The following PCDHA5 variants were observed in gnomAD, a reference collection of about 807,000 sequenced individuals.
PCDHA5 encodes the protein protocadherin alpha 5.
Under a neutral mutation model 61.6 loss-of-function variants are expected in PCDHA5, and 43 were observed. The observed-to-expected ratio is 0.70, with a 90% CI of 0.55 to 0.90. The LOEUF (loss-of-function observed/expected upper bound fraction) is 0.90. Among genes scored for constraint, PCDHA5 ranks in the 40% least tolerant of loss-of-function variants. The pLI, the probability that PCDHA5 is intolerant of heterozygous loss-of-function variation, is 0.00. For synonymous variants in PCDHA5, 627 were observed against 543.9 expected (o/e 1.15, Z -2.13); for missense variants, 1,298 against 1,222.7 (o/e 1.06, Z -0.92).
At chr5:140,875,743 G>A (rs782705899) in intron 1 of PCDHA5, 7 of 1,614,108 alleles carry the variant, frequency 4.3e-6, no homozygotes, top group Non-Finnish European at 5.1e-6. Context: ...TTCTCGGATC[G>A]ACCGCGAGAA....
At chr5:140,924,060 A>G (rs2081653054) in intron 1 of PCDHA5, among the ~76,000 whole-genome samples, 1 of 152,250 alleles carries the variant, frequency 6.6e-6, no homozygotes, top group African/African-American at 2.4e-5. Context: ...ACATCTTTAC[A>G]GTTGTATTTC....
intron 1 of PCDHA5, among the ~76,000 whole-genome samples, chr5:140,904,728 T>G (rs1357605257): frequency 6.6e-6 from 1 of 152,198 alleles, no homozygotes; most frequent in Non-Finnish European, 1.5e-5. Flanking sequence ...CCAACATCTA[T>G]TATTTTTTTA....
At chr5:140,857,796 CG>C in intron 1 of PCDHA5, 1 of 1,597,494 alleles carries the variant, frequency 6.3e-7, no homozygotes, top group Non-Finnish European at 8.6e-7. Flanking sequence ...GTGCTGCGGT[CG>C]GTGGTTGCGG....
At chr5:140,857,001 A>T in intron 1 of PCDHA5, 1 of 1,595,350 alleles carries the variant, frequency 6.3e-7, no homozygotes, top group Non-Finnish European at 8.6e-7. Flanking sequence ...TATGAAATTC[A>T]TGTAGATGTT....
chr5:140,829,795 T>A, intron 1 of PCDHA5: 1 of 1,613,722 alleles, frequency 6.2e-7, no homozygotes, highest in Non-Finnish European at 8.5e-7. Context: ...TGCTGGCGCC[T>A]CGGGTGGGTG....
At chr5:140,871,086 G>GGCCACC (rs782688668) in intron 1 of PCDHA5, 1 of 1,613,256 alleles carries the variant, frequency 6.2e-7, no homozygotes, top group Non-Finnish European at 8.5e-7. Context: ...TGACGGCCAC[G>GGCCACC]GCCACCGTGC....
rs2150128488 is a variant in PCDHA5 at position 140,823,719 on chromosome 5, G to A, written c.1944G>A (p.Val648=). The A allele has an allele frequency of 3.1e-6, 5 of 1,613,928 alleles. No individual in the cohort carries two copies. In the African/African-American group the frequency reaches 5.3e-5, roughly 17 times the overall value. ...AAGCACCGCGCCACCGCCTTCTGGT[G>A]CTGGTGAAGGACCATGGAGAGCCCC... The part of the protein sequence containing the change: ...ETEAPRHRLL[V]LVKDHGEPPL... The change falls in exon 1 of 4, where the codon GTG becomes GTA. Residue 648 remains valine, a synonymous_variant. Transcript: ENST00000529859.
chr5:140,825,728 AT>A (rs1436730306), intron 1 of PCDHA5: 1 of 152,384 alleles, frequency 6.6e-6, no homozygotes, highest in Non-Finnish European at 1.5e-5. Context: ...GGCCTAAATT[AT>A]TATATTGATG....
intron 1 of PCDHA5, chr5:140,850,488 G>T: frequency 6.3e-7 from 1 of 1,598,176 alleles, no homozygotes. Context: ...CACGGCCACT[G>T]TGCTGGTGTC....
At chr5:140,895,116 T>C (rs2064856298) in intron 1 of PCDHA5, among the ~76,000 whole-genome samples, 1 of 152,182 alleles carries the variant, frequency 6.6e-6, no homozygotes, top group African/African-American at 2.4e-5. Flanking sequence ...AAGAAGACAT[T>C]TGTTAGTTGA....
At chr5:140,881,729 A>G (rs2058810929) in intron 1 of PCDHA5, among the ~76,000 whole-genome samples, 1 of 152,206 alleles carries the variant, frequency 6.6e-6, no homozygotes. Flanking sequence ...CTTGAAAAAT[A>G]TTACAGGAAG....
At chr5:140,929,213 A>G (rs199608631) in intron 1 of PCDHA5, 6 of 1,613,934 alleles carry the variant, frequency 3.7e-6, no homozygotes, top group Admixed American at 1.7e-5. Context: ...TTGCGTGGGG[A>G]GTACAATGCT....
chr5:140,929,166 C>T (rs782695019), intron 1 of PCDHA5: 1 of 1,614,146 alleles, frequency 6.2e-7, no homozygotes, highest in Non-Finnish European at 8.5e-7. Context: ...TCTATCGGGC[C>T]TCTCTGGGAC....
chr5:140,883,251 T>C, intron 1 of PCDHA5: 1 of 1,614,086 alleles, frequency 6.2e-7, no homozygotes, highest in Non-Finnish European at 8.5e-7. Flanking sequence ...AAAGGAAATA[T>C]TCCAATGGCG....
chr5:140,875,133 A>G (rs1269514593), intron 1 of PCDHA5, among the ~76,000 whole-genome samples: 1 of 152,228 alleles, frequency 6.6e-6, no homozygotes, highest in Non-Finnish European at 1.5e-5. Context: ...CTAAACCCGC[A>G]TTTATAAATG....
intron 1 of PCDHA5, chr5:140,849,998 G>C (rs1331024860): frequency 6.3e-7 from 1 of 1,597,138 alleles, no homozygotes; most frequent in Admixed American, 1.7e-5. Context: ...GGTTGGGCGA[G>C]CGCTCGCTGT....
At chr5:140,866,823 A>G (rs1375177663) in intron 1 of PCDHA5, 1 of 152,130 alleles carries the variant, frequency 6.6e-6, no homozygotes, top group Non-Finnish European at 1.5e-5. Context: ...TTAATCTTCA[A>G]TTGATTTTAC....
chr5:140,938,650 A>G (rs184257234), intron 1 of PCDHA5, among the ~76,000 whole-genome samples: 3 of 152,214 alleles, frequency 2.0e-5, no homozygotes, highest in Non-Finnish European at 2.9e-5. Flanking sequence ...ATCCTTCTTT[A>G]TATCATTAGA....
chr5:140,934,706 T>G (rs141577289), intron 1 of PCDHA5, among the ~76,000 whole-genome samples: 348 of 152,292 alleles, frequency 2.3e-3, no homozygotes, highest in African/African-American at 8.1e-3. Context: ...CCTGGCCATC[T>G]TACAAAAAGG....
Sources: gnomAD v4.1 joint callset for allele counts (sites outside exome capture counted in the v4.1 genomes callset) on GRCh38, gnomAD v4.1.1 for gene constraint, MANE v1.5 for transcripts, NCBI Gene and HGNC (gene_info 2026-07-23, HGNC 2026-07-21) for gene names.